INPP4B: variants seen among roughly 807,000 people sequenced by gnomAD.
INPP4B encodes inositol polyphosphate-4-phosphatase type II B.
A neutral mutation model predicts 122.5 loss-of-function variants in INPP4B; 55 were observed. The ratio of observed to expected loss-of-function variants is 0.45; its 90% CI spans 0.36 to 0.56. The LOEUF (loss-of-function observed/expected upper bound fraction) is 0.56, where lower values mean the gene tolerates loss of function less well. INPP4B is among the 20% of genes least tolerant of loss of function. The pLI, the probability that INPP4B is intolerant of heterozygous loss-of-function variation, is 0.00. For missense variants in INPP4B, 1,000 were observed against 1,097.7 expected (o/e 0.91, Z 1.26); for synonymous variants, 403 against 388.7 (o/e 1.04, Z -0.43).
chr4:142,120,455 T>C (rs1415015223), intron 21 of INPP4B, among the ~76,000 whole-genome samples: 2 of 152,146 alleles, frequency 1.3e-5, no homozygotes, highest in African/African-American at 2.4e-5. Flanking sequence ...TTCTAATCCA[T>C]GAACACAGGC....
At chr4:142,230,643 C>CAAAAAAAAAAAAAAAAAAAAAAAAAA (rs11309327) in intron 12 of INPP4B, among the ~76,000 whole-genome samples, 1 of 79,596 alleles carries the variant, frequency 1.3e-5, no homozygotes, top group South Asian at 4.5e-4. Context: ...AACTCCACCT[C>CAAAAAAAAAAAAAAAAAAAAAAAAAA]AAAAAAAAAA....
At chr4:142,114,616 G>A (rs541817525) in intron 21 of INPP4B, among the ~76,000 whole-genome samples, 1 of 151,864 alleles carries the variant, frequency 6.6e-6, no homozygotes, top group African/African-American at 2.4e-5. Flanking sequence ...TAGGTTTTTG[G>A]TGTCATTATT....
chr4:142,148,136 G>A (rs1811790799), intron 17 of INPP4B, among the ~76,000 whole-genome samples: 1 of 151,914 alleles, frequency 6.6e-6, no homozygotes, highest in Non-Finnish European at 1.5e-5. Flanking sequence ...CTGCTACTGA[G>A]GAAAAAAAGG....
At chr4:142,823,333 TAG>T (rs1451646411) in intron 1 of INPP4B, among the ~76,000 whole-genome samples, 1 of 152,190 alleles carries the variant, frequency 6.6e-6, no homozygotes, top group Non-Finnish European at 1.5e-5. Flanking sequence ...CTTCAAAAAG[TAG>T]AGTTTCTTCT....
intron 11 of INPP4B, among the ~76,000 whole-genome samples, chr4:142,248,816 C>G (rs1426517186): frequency 6.6e-6 from 1 of 151,852 alleles, no homozygotes; most frequent in African/African-American, 2.4e-5. Flanking sequence ...TTTTTTCTAC[C>G]AATAAATTGT....
At chr4:142,781,805 C>A (rs1377404529) in intron 1 of INPP4B, among the ~76,000 whole-genome samples, 11 of 151,810 alleles carry the variant, frequency 7.2e-5, no homozygotes, top group Admixed American at 7.2e-4. Context: ...TAAAAGAAAG[C>A]CCCATGGAAA....
chr4:142,229,317 T>A (rs1363853399), intron 12 of INPP4B, among the ~76,000 whole-genome samples: 4 of 152,114 alleles, frequency 2.6e-5, no homozygotes, highest in Admixed American at 1.3e-4. Context: ...AAAATAAAGT[T>A]ATAAAATGAA....
At chr4:142,340,617 C>T (rs992701791) in intron 7 of INPP4B, among the ~76,000 whole-genome samples, 2 of 152,028 alleles carry the variant, frequency 1.3e-5, no homozygotes, top group African/African-American at 2.4e-5. Flanking sequence ...CTCACTATGT[C>T]GCCCAGGCTG....
chr4:142,646,087 T>G (rs1469422614), intron 2 of INPP4B, among the ~76,000 whole-genome samples: 1 of 152,178 alleles, frequency 6.6e-6, no homozygotes, highest in Non-Finnish European at 1.5e-5. Flanking sequence ...GAGCACCTTT[T>G]TGGATGATGG....
At chr4:142,269,478 A>AT (rs1409200146) in intron 10 of INPP4B, among the ~76,000 whole-genome samples, 3 of 152,046 alleles carry the variant, frequency 2.0e-5, no homozygotes, top group South Asian at 2.1e-4. Flanking sequence ...TGCCTTGGTC[A>AT]TTTTTTTAGC....
chr4:142,654,670 G>A (rs1267907794), intron 2 of INPP4B: 1 of 152,126 alleles, frequency 6.6e-6, no homozygotes, highest in African/African-American at 2.4e-5. Context: ...TCCCTGAATA[G>A]CTTCTTCCAT....
chr4:142,056,035 G>A (rs577502730), intron 25 of INPP4B, among the ~76,000 whole-genome samples: 6 of 152,008 alleles, frequency 3.9e-5, no homozygotes, highest in South Asian at 4.1e-4. Flanking sequence ...TAAGGAGCAC[G>A]TAGCCTAGAT....
intron 7 of INPP4B, among the ~76,000 whole-genome samples, chr4:142,326,647 C>G (rs551298162): frequency 6.6e-6 from 1 of 152,148 alleles, no homozygotes. Context: ...AATCATTATG[C>G]TCGATCCATT....
At chr4:142,526,825 G>A (rs1049108565) in intron 2 of INPP4B, among the ~76,000 whole-genome samples, 3 of 146,686 alleles carry the variant, frequency 2.0e-5, no homozygotes, top group Non-Finnish European at 4.5e-5. Flanking sequence ...ATGATGTCAT[G>A]TAAAAAGCAG....
intron 2 of INPP4B, among the ~76,000 whole-genome samples, chr4:142,636,144 C>G (rs1392352850): frequency 6.6e-6 from 1 of 152,074 alleles, no homozygotes; most frequent in Non-Finnish European, 1.5e-5. Context: ...CCCATTCTGC[C>G]TCCTGCTGCC....
chr4:142,483,314 T>G (rs1298534263), intron 2 of INPP4B, among the ~76,000 whole-genome samples: 1 of 151,028 alleles, frequency 6.6e-6, no homozygotes, highest in East Asian at 2.0e-4. Flanking sequence ...ATTTGTTGAG[T>G]GTAATTCTGT....
At chr4:142,095,210 G>T (rs1026028488) in intron 23 of INPP4B, among the ~76,000 whole-genome samples, 1 of 152,148 alleles carries the variant, frequency 6.6e-6, no homozygotes, top group East Asian at 1.9e-4. Context: ...AGAATTGGGA[G>T]AATGATAAAA....
intron 12 of INPP4B, among the ~76,000 whole-genome samples, chr4:142,219,624 A>C (rs957947318): frequency 1.3e-5 from 2 of 152,206 alleles, no homozygotes; most frequent in Non-Finnish European, 2.9e-5. Context: ...CGTACTTAAA[A>C]GCTGTTTAAA....
intron 2 of INPP4B, among the ~76,000 whole-genome samples, chr4:142,548,502 G>C (rs142961980): frequency 2.4e-3 from 359 of 152,196 alleles, no homozygotes; most frequent in African/African-American, 8.3e-3. Context: ...AATATGACAT[G>C]AAGTTAACAT....
Sources: gnomAD v4.1 joint callset for allele counts (sites outside exome capture counted in the v4.1 genomes callset) on GRCh38, gnomAD v4.1.1 for gene constraint, MANE v1.5 for transcripts, NCBI Gene and HGNC (gene_info 2026-07-23, HGNC 2026-07-21) for gene names.